SQSTM1: variants seen among roughly 807,000 people sequenced by gnomAD.
The protein encoded by SQSTM1 is sequestosome-1.
In SQSTM1, 36 loss-of-function variants were observed where a neutral mutation model predicts 45.1. The observed-to-expected ratio is 0.80, with a 90% CI of 0.61 to 1.05. The LOEUF (loss-of-function observed/expected upper bound fraction) is 1.05, where lower values mean the gene tolerates loss of function less well. Ranked by LOEUF, SQSTM1 falls within the 50% of genes least tolerant of loss-of-function variation. The pLI is 0.00. For synonymous variants in SQSTM1, 290 were observed against 244.3 expected, an observed-to-expected ratio of 1.19 and a Z score of -1.74; for missense variants, 617 against 607.1, an observed-to-expected ratio of 1.02 and a Z score of -0.17.
At chr5:179,834,833 T>C (rs1469216804) in intron 7 of SQSTM1, among the ~76,000 whole-genome samples, 11 of 152,374 alleles carry the variant, frequency 7.2e-5, no homozygotes, top group African/African-American at 2.4e-4. Flanking sequence ...ACCATCCGAT[T>C]TCTCAATCTT....
intron 5 of SQSTM1, among the ~76,000 whole-genome samples, chr5:179,828,296 A>C (rs1430483274): frequency 1.3e-5 from 2 of 150,810 alleles, no homozygotes; most frequent in Non-Finnish European, 2.9e-5. Context: ...TTTACAAAGC[A>C]TATGGGTATT....
At chr5:179,817,023 C>T (rs1190139087), upstream of SQSTM1, among the ~76,000 whole-genome samples, 1 of 152,140 alleles carries the variant, frequency 6.6e-6, no homozygotes, top group Admixed American at 6.5e-5. Flanking sequence ...GCCGGTGGCC[C>T]CGGGCAGGCC....
intron 4 of SQSTM1, 88 bp downstream of exon 4, chr5:179,824,411 G>A: frequency 6.3e-7 from 1 of 1,595,944 alleles, no homozygotes; most frequent in Non-Finnish European, 8.6e-7. Flanking sequence ...GTGTGTGCAA[G>A]GCAAGAATTC....
chr5:179,809,250 C>T (rs1216233039), intron 1 of SQSTM1, among the ~76,000 whole-genome samples: 1 of 149,526 alleles, frequency 6.7e-6, no homozygotes, highest in Non-Finnish European at 1.5e-5. Context: ...CCTCAGCCTC[C>T]CAGGTTCAAG....
intron 5 of SQSTM1, among the ~76,000 whole-genome samples, chr5:179,831,572 G>A (rs1758220932): frequency 6.6e-6 from 1 of 152,216 alleles, no homozygotes; most frequent in Admixed American, 6.5e-5. Context: ...TGAGGCAGGA[G>A]AATCACTTGA....
rs1264894756 is a variant in SQSTM1, at chr5:179,836,949, G to A, written c.*356G>A. 4.9e-6 allele frequency: 3 copies of A among 606,512 alleles called. No homozygotes were observed. Among genetic ancestry groups the A allele is most frequent in the Non-Finnish European group, 8.7e-6 (3 of 343,502 alleles). 37.6% of individuals were successfully genotyped at this position (606,512 alleles called of 1,614,324 possible). On this transcript the variant is annotated 3_prime_UTR_variant, in exon 8 of 8. Coordinates refer to ENST00000389805, the MANE Select transcript of SQSTM1 (RefSeq NM_003900.5). ...CTCTTTTGTTTTAAATGACTCATAG[G>A]TCCCTGACATTTAGTTGATTATTTT...
At chr5:179,826,203 C>T (rs1364663682) in intron 5 of SQSTM1, among the ~76,000 whole-genome samples, 3 of 151,136 alleles carry the variant, frequency 2.0e-5, no homozygotes, top group Admixed American at 6.6e-5. Context: ...CTTGCTCTGT[C>T]ACGGAGGCTG....
intron 1 of SQSTM1, among the ~76,000 whole-genome samples, chr5:179,810,450 C>T (rs1275228200): frequency 6.6e-6 from 1 of 152,162 alleles, no homozygotes; most frequent in Non-Finnish European, 1.5e-5. Flanking sequence ...TGAACTCATT[C>T]TTTTTTATGG....
intron 1 of SQSTM1, among the ~76,000 whole-genome samples, chr5:179,821,887 G>T (rs530260748): frequency 2.0e-5 from 3 of 152,226 alleles, no homozygotes; most frequent in Admixed American, 2.0e-4. Flanking sequence ...CCCTGGGAGG[G>T]TGCAGTGCTA....
At chr5:179,813,766 A>AAATAT (rs1757504004) in intron 2 of SQSTM1, 3 of 151,892 alleles carry the variant, frequency 2.0e-5, no homozygotes, top group South Asian at 2.1e-4. Flanking sequence ...AAATAAAATA[A>AAATAT]AATATAACCT....
intron 5 of SQSTM1, 83 bp from the exon 6 acceptor site, chr5:179,832,947 CTG>C: frequency 1.5e-6 from 2 of 1,353,906 alleles, no homozygotes; most frequent in Non-Finnish European, 2.1e-6. Flanking sequence ...CTTCGTGAGT[CTG>C]TAGTCTCCAC....
At chr5:179,833,398 C>T (rs1406283048) in intron 6 of SQSTM1, 152 bp downstream of exon 6, 80 of 998,418 alleles carry the variant, frequency 8.0e-5, no homozygotes, top group Middle Eastern at 5.9e-4. Context: ...ATTAAAGTCA[C>T]GCTGGGAACC....
intron 7 of SQSTM1, among the ~76,000 whole-genome samples, chr5:179,834,447 G>C (rs1394773442): frequency 2.4e-4 from 36 of 151,148 alleles, no homozygotes; most frequent in Non-Finnish European, 1.5e-5. Context: ...ATCATTCTTG[G>C]GTGTTTCTCG....
At chr5:179,835,920 C>G (rs2113522341) in intron 7 of SQSTM1, 1 of 214,486 alleles carries the variant, frequency 4.7e-6, no homozygotes, top group African/African-American at 2.3e-5. Flanking sequence ...GCTTGATGGG[C>G]AGTTAGGTTG....
At chr5:179,827,988 T>C (rs1021624278) in intron 5 of SQSTM1, among the ~76,000 whole-genome samples, 2 of 152,178 alleles carry the variant, frequency 1.3e-5, no homozygotes, top group Admixed American at 1.3e-4. Context: ...AGGCTGCTCC[T>C]GGCTGGGAGG....
chr5:179,809,637 CTTTTTTTTTT>C (rs1181470503), intron 1 of SQSTM1, among the ~76,000 whole-genome samples: 5 of 77,664 alleles, frequency 6.4e-5, no homozygotes, highest in Non-Finnish European at 7.2e-5. Flanking sequence ...GCGCCTGGCC[CTTTTTTTTTT>C]TTTTTTTTTT....
upstream of SQSTM1, among the ~76,000 whole-genome samples, chr5:179,816,114 A>T (rs1757570089): frequency 6.6e-6 from 1 of 152,156 alleles, no homozygotes; most frequent in Admixed American, 6.5e-5. Context: ...CATTGGGAGC[A>T]AGAAGGGTTA....
chr5:179,837,075 T>TG lies in SQSTM1; in HGVS notation c.*483dup, dbSNP rs1758602893. 9.0e-6 allele frequency: 7 copies of TG among 775,358 alleles called. No homozygotes were observed. Among genetic ancestry groups the TG allele is most frequent in the Non-Finnish European group, 1.5e-5 (7 of 460,654 alleles). 48.0% of individuals were successfully genotyped at this position (775,358 alleles called of 1,614,324 possible). A position where few individuals can be genotyped will look rare whatever the true frequency, so the allele number is the denominator to read the frequency against. ...AGTGTTGTGGGCTTCCTGCTGGGACTGAGAAGGCTCACGAAGGGCATCCGC... is the reference window on the plus strand; with the variant it reads ...AGTGTTGTGGGCTTCCTGCTGGGACTGGAGAAGGCTCACGAAGGGCATCCGC... On this transcript the variant is annotated 3_prime_UTR_variant, in exon 8 of 8. Coordinates refer to ENST00000389805, the MANE Select transcript of SQSTM1 (RefSeq NM_003900.5).
Position 179,837,226 on chromosome 5 carries a change from T to A in SQSTM1, c.*633T>A, listed in dbSNP as rs10173. On this transcript the variant is annotated 3_prime_UTR_variant, in exon 8 of 8. Transcript: ENST00000389805. ...CATCCTGTTAAATTTGTAAACAATC[T>A]AATTAAATGGCATCAGCACTTTAAC... 6 of 1,591,786 alleles carry A rather than the reference T, an allele frequency of 3.8e-6. No individual in the cohort carries two copies. The highest frequency in any genetic ancestry group is 4.3e-6 in the Non-Finnish European group (5 of 1,174,708).
Sources: allele counts gnomAD v4.1 joint callset (sites outside exome capture counted in the v4.1 genomes callset), GRCh38; gene constraint gnomAD v4.1.1; transcripts MANE v1.5; gene names NCBI Gene and HGNC (gene_info 2026-07-23, HGNC 2026-07-21).